The following PPP2R2C variants were observed in gnomAD, a reference collection of about 807,000 sequenced individuals.
PPP2R2C encodes the protein protein phosphatase 2, regulatory subunit B, gamma.
In PPP2R2C, 10 loss-of-function variants were observed where a neutral mutation model predicts 45.3. That is an observed-to-expected ratio of 0.22 (90% CI 0.14 to 0.37). PPP2R2C has a LOEUF of 0.37. PPP2R2C is among the 10% of genes least tolerant of loss of function. The pLI is 1.00. For missense variants in PPP2R2C, 308 were observed against 619.7 expected, an observed-to-expected ratio of 0.50 and a Z score of 5.34; for synonymous variants, 257 against 245.4, an observed-to-expected ratio of 1.05 and a Z score of -0.44.
chr4:6,450,974 T>G (rs1164881167), intron 1 of PPP2R2C, among the ~76,000 whole-genome samples: 2 of 152,324 alleles, frequency 1.3e-5, no homozygotes, highest in East Asian at 3.9e-4. Context: ...CCTGTATCCC[T>G]GGCAACACTC....
At position 6,403,256 on chromosome 4, in the gene PPP2R2C, T is replaced by A. The variant is rs150611739; in HGVS notation, c.71-22162A>T. On this transcript the variant is annotated intron_variant, in intron 1 of 8. Coordinates refer to ENST00000382599, the MANE Select transcript of PPP2R2C (RefSeq NM_020416.4). ...TTCTCATCTGGCTGAAATGGGAGGATTGATCATCTCAGAGGTCGGAGCCTC... is the reference window on the plus strand; with the variant it reads ...TTCTCATCTGGCTGAAATGGGAGGAATGATCATCTCAGAGGTCGGAGCCTC... Among the ~76,000 whole-genome samples, 990 of 152,214 alleles carry A rather than the reference T, an allele frequency of 6.5e-3. 11 individuals are homozygous for A. Among genetic ancestry groups the A allele is most frequent in the African/African-American group, 0.021 (881 of 41,522 alleles).
chr4:6,342,013 C>T (rs1252829593), intron 6 of PPP2R2C, among the ~76,000 whole-genome samples: 1 of 151,276 alleles, frequency 6.6e-6, no homozygotes, highest in Non-Finnish European at 1.5e-5. Context: ...CAGGCTTGAA[C>T]CTGCAGGTCC....
intron 1 of PPP2R2C, among the ~76,000 whole-genome samples, chr4:6,545,049 C>T (rs1183555818): frequency 1.3e-5 from 2 of 152,170 alleles, no homozygotes; most frequent in Non-Finnish European, 2.9e-5. Flanking sequence ...CTGCCTAATG[C>T]CAGGCCGGTT....
chr4:6,500,225 G>A (rs1461466691), intron 2 of PPP2R2C, among the ~76,000 whole-genome samples: 2 of 152,142 alleles, frequency 1.3e-5, no homozygotes, highest in African/African-American at 2.4e-5. Context: ...TCGGCTCACT[G>A]CAACCTCCAC....
chr4:6,513,074 T>C (rs1423061314), intron 2 of PPP2R2C, among the ~76,000 whole-genome samples: 1 of 152,188 alleles, frequency 6.6e-6, no homozygotes, highest in Non-Finnish European at 1.5e-5. Flanking sequence ...AAAGACTTGC[T>C]GCAGCCAGGA....
intron 1 of PPP2R2C, among the ~76,000 whole-genome samples, chr4:6,540,682 G>T (rs768381615): frequency 6.6e-6 from 1 of 152,212 alleles, no homozygotes; most frequent in Non-Finnish European, 1.5e-5. Flanking sequence ...ACCATTTCAC[G>T]TTCCCACCAC....
intron 1 of PPP2R2C, among the ~76,000 whole-genome samples, chr4:6,536,327 T>C (rs1451895929): frequency 1.3e-5 from 2 of 152,200 alleles, no homozygotes; most frequent in African/African-American, 4.8e-5. Flanking sequence ...CTTTCCTCAC[T>C]ATGTAAAGAA....
rs1715509826 is a variant in PPP2R2C at position 6,378,324 on chromosome 4, C to T, written c.334+83G>A. ...TTCTGAAGACATAGAAAAATGCTCA[C>T]AATATAAGTGAAATACAAACCAGCA... is the stretch of plus-strand genomic sequence containing the variant. On this transcript the variant is annotated intron_variant, in intron 3 of 8. Coordinates refer to ENST00000382599, the MANE Select transcript of PPP2R2C (RefSeq NM_020416.4). This position sits in a 1 kb window ranked among gnomAD's most constrained non-coding sequence, Gnocchi z 5.2. 6.3e-7 allele frequency: 1 copy of T among 1,596,506 alleles called. No homozygotes were observed. Among genetic ancestry groups the T allele is most frequent in the East Asian group, 2.2e-5 (1 of 44,734 alleles).
chr4:6,366,292 G>C (rs1228891537), intron 5 of PPP2R2C, among the ~76,000 whole-genome samples: 1 of 152,244 alleles, frequency 6.6e-6, no homozygotes, highest in Non-Finnish European at 1.5e-5. Context: ...AGGCCCGCCA[G>C]GGCCCAAAGC....
intron 1 of PPP2R2C, among the ~76,000 whole-genome samples, chr4:6,411,009 T>C (rs1234200419): frequency 1.3e-5 from 2 of 152,056 alleles, no homozygotes; most frequent in African/African-American, 4.8e-5. Context: ...TAGCTGGGAC[T>C]ACAGGCGCAT....
chr4:6,355,226 T>C (rs1713041450), intron 5 of PPP2R2C, among the ~76,000 whole-genome samples: 2 of 146,856 alleles, frequency 1.4e-5, no homozygotes. Context: ...AATCAGCCCA[T>C]TGTGGTCCCC....
chr4:6,364,896 C>T lies in PPP2R2C; in HGVS notation c.625+7627G>A, dbSNP rs16838608. Among the ~76,000 whole-genome samples, 1,396 of 152,290 alleles carry T rather than the reference C, an allele frequency of 9.2e-3. 19 individuals are homozygous for T. Among genetic ancestry groups the T allele is most frequent in the African/African-American group, 0.031 (1,291 of 41,562 alleles). On this transcript the variant is annotated intron_variant, in intron 5 of 8. Transcript: ENST00000382599. The surrounding 1 kb of genome is among the most constrained non-coding windows in gnomAD (Gnocchi z 5.3). ...ATTTGGACGATGGGATCACAGGACT[C>T]ATCGAGGCTTGAGCAAGAAGAAGAC...
intron 1 of PPP2R2C, among the ~76,000 whole-genome samples, chr4:6,429,392 A>G (rs1719499933): frequency 6.6e-6 from 1 of 152,240 alleles, no homozygotes; most frequent in Non-Finnish European, 1.5e-5. Flanking sequence ...ACCTGGTAGG[A>G]AGACAGTAAC....
intron 1 of PPP2R2C, among the ~76,000 whole-genome samples, chr4:6,437,498 C>T (rs6446506): frequency 0.92 from 139,885 of 152,232 alleles, 65,416 homozygotes; most frequent in East Asian, 1. Context: ...AAGTTAGGGA[C>T]AGAGCTCTTA....
upstream of PPP2R2C, among the ~76,000 whole-genome samples, chr4:6,473,990 G>C (rs998183489): frequency 6.6e-6 from 1 of 152,228 alleles, no homozygotes; most frequent in African/African-American, 2.4e-5. Context: ...GCCCTGCCCT[G>C]TTCCAGCCTC....
At chr4:6,409,577 T>C (rs1718014556) in intron 1 of PPP2R2C, among the ~76,000 whole-genome samples, 1 of 152,166 alleles carries the variant, frequency 6.6e-6, no homozygotes, top group Admixed American at 6.5e-5. Context: ...GGGACAGGTC[T>C]CTGCAGGAGA....
intron 5 of PPP2R2C, among the ~76,000 whole-genome samples, chr4:6,352,063 A>T (rs1203369940): frequency 6.6e-6 from 1 of 152,120 alleles, no homozygotes; most frequent in Non-Finnish European, 1.5e-5. Flanking sequence ...ATTATGCCCA[A>T]ACTCAGCTAC....
chr4:6,535,477 C>A, intron 1 of PPP2R2C: 5 of 781,610 alleles, frequency 6.4e-6, no homozygotes, highest in Non-Finnish European at 1.0e-5. Context: ...CACCCACGGC[C>A]GCCCTGGCCG....
rs549694031 is a variant in PPP2R2C at position 6,544,279 on chromosome 4, C to T, written c.-58-8902G>A. Among the ~76,000 whole-genome samples the T allele has an allele frequency of 9.8e-5, 15 of 152,318 alleles. No individual in the cohort carries two copies. The East Asian group carries it at 2.7e-3, about 27-fold the overall frequency. On this transcript the variant is annotated intron_variant, in intron 1 of 9. Coordinates refer to the PPP2R2C transcript ENST00000506140. ...GCCCTATCTCTTTCAGTTCCAGCTA[C>T]CGGAAGTCCCTCTAGTCAATTTTCC... is the stretch of plus-strand genomic sequence containing the variant.
Sources: allele counts gnomAD v4.1 joint callset (sites outside exome capture counted in the v4.1 genomes callset), GRCh38; gene constraint gnomAD v4.1.1; non-coding constraint Gnocchi (gnomAD v3.1); transcripts MANE v1.5; gene names NCBI Gene and HGNC (gene_info 2026-07-23, HGNC 2026-07-21).